FGGY: variants seen among roughly 807,000 people sequenced by gnomAD.
FGGY encodes FGGY carbohydrate kinase domain containing.
In FGGY, 72 loss-of-function variants were observed where a neutral mutation model predicts 71.3. That is an observed-to-expected ratio of 1.01 (90% CI 0.84 to 1.23). The LOEUF is 1.23. Ranked by LOEUF, FGGY falls within the 50% of genes most tolerant of loss-of-function variation. The probability of loss-of-function intolerance (pLI) is 0.00; values close to 1 mark genes in which losing one functional copy is unlikely to be tolerated. For missense variants in FGGY, 668 were observed against 682.3 expected, an observed-to-expected ratio of 0.98 and a Z score of 0.23; for synonymous variants, 251 against 250.3, an observed-to-expected ratio of 1.00 and a Z score of -0.02.
At chr1:59,585,223 G>C (rs1008315601) in intron 8 of FGGY, among the ~76,000 whole-genome samples, 11 of 152,158 alleles carry the variant, frequency 7.2e-5, no homozygotes, top group Non-Finnish European at 1.5e-4. Flanking sequence ...TCAATCCTAA[G>C]CCAAAAGAAC....
chr1:59,590,604 T>G (rs1236745232), intron 8 of FGGY, among the ~76,000 whole-genome samples: 1 of 152,194 alleles, frequency 6.6e-6, no homozygotes, highest in African/African-American at 2.4e-5. Flanking sequence ...TCAAGTGGGC[T>G]TCATCCCTGG....
intron 6 of FGGY, among the ~76,000 whole-genome samples, chr1:59,501,304 T>A (rs1570272074): frequency 6.6e-6 from 1 of 152,326 alleles, no homozygotes; most frequent in African/African-American, 2.4e-5. Context: ...GATACAATTT[T>A]GTGTCAAATA....
intron 14 of FGGY, among the ~76,000 whole-genome samples, chr1:59,738,358 TA>T (rs2098122297): frequency 6.6e-6 from 1 of 152,312 alleles, no homozygotes; most frequent in South Asian, 2.1e-4. Flanking sequence ...GGCCTTTGCC[TA>T]AAGTCATTAA....
At chr1:59,582,221 G>C (rs919963351) in intron 8 of FGGY, among the ~76,000 whole-genome samples, 1 of 149,830 alleles carries the variant, frequency 6.7e-6, no homozygotes, top group South Asian at 2.1e-4. Flanking sequence ...CTGCATTCCA[G>C]CCTGAGAACA....
chr1:59,536,458 T>A (rs963576627), intron 7 of FGGY, among the ~76,000 whole-genome samples: 1 of 152,074 alleles, frequency 6.6e-6, no homozygotes, highest in Non-Finnish European at 1.5e-5. Flanking sequence ...AAAAAGAAGG[T>A]ATCCTCCCTA....
At chr1:59,301,558 T>C (rs2042734672) in intron 1 of FGGY, among the ~76,000 whole-genome samples, 1 of 152,184 alleles carries the variant, frequency 6.6e-6, no homozygotes, top group Non-Finnish European at 1.5e-5. Flanking sequence ...TTATTAAGTA[T>C]GATGCATGAT....
intron 12 of FGGY, among the ~76,000 whole-genome samples, chr1:59,662,048 C>G (rs551906809): frequency 7.0e-6 from 1 of 143,026 alleles, no homozygotes; most frequent in Non-Finnish European, 1.5e-5. Flanking sequence ...AGGCCAGGCG[C>G]GGTGACTCAA....
chr1:59,665,963 G>A (rs866976001), intron 12 of FGGY, among the ~76,000 whole-genome samples: 2 of 152,128 alleles, frequency 1.3e-5, no homozygotes, highest in Admixed American at 6.5e-5. Flanking sequence ...GTGAGCCACC[G>A]CGCCCGGCCC....
chr1:59,636,970 G>T, intron 10 of FGGY, among the ~76,000 whole-genome samples: 1 of 152,182 alleles, frequency 6.6e-6, no homozygotes, highest in East Asian at 1.9e-4. Context: ...AAGGACCCCA[G>T]TGGGAAGTAG....
chr1:59,457,089 A>G lies in FGGY; in HGVS notation c.670+13A>G, dbSNP rs773467395. ...TACAGCAAAATAGGTAAAAGAATAA[A>G]ACATCTGTAGAGTGATTATGTGCAT... On this transcript the variant is annotated intron_variant, in intron 6 of 15. Transcript: ENST00000303721. The G allele has an allele frequency of 2.6e-6, 4 of 1,557,334 alleles. No homozygotes were observed. The highest frequency in any genetic ancestry group is 3.5e-6 in the Non-Finnish European group (4 of 1,128,594).
At chr1:59,664,761 C>T (rs902601418) in intron 12 of FGGY, among the ~76,000 whole-genome samples, 8 of 152,204 alleles carry the variant, frequency 5.3e-5, no homozygotes, top group Admixed American at 2.6e-4. Context: ...ATGCACCTTT[C>T]GTGAGCTGGA....
At chr1:59,505,315 C>G (rs756512655) in intron 6 of FGGY, among the ~76,000 whole-genome samples, 9 of 152,190 alleles carry the variant, frequency 5.9e-5, no homozygotes, top group Non-Finnish European at 1.2e-4. Context: ...TAGAACAGTG[C>G]TTGGCTCGTA....
chr1:59,588,170 G>C (rs2096349181), intron 8 of FGGY, among the ~76,000 whole-genome samples: 1 of 152,206 alleles, frequency 6.6e-6, no homozygotes. Context: ...GAGCCGATGT[G>C]ATCAACTGGA....
chr1:59,641,304 C>G, intron 11 of FGGY: 1 of 1,610,172 alleles, frequency 6.2e-7, no homozygotes, highest in Non-Finnish European at 8.5e-7. Flanking sequence ...TCTGTATATT[C>G]CGGCTTTGGC....
At chr1:59,610,406 A>T (rs1360578984) in intron 9 of FGGY, among the ~76,000 whole-genome samples, 1 of 152,138 alleles carries the variant, frequency 6.6e-6, no homozygotes, top group Admixed American at 6.5e-5. Flanking sequence ...CTGCAAAGAG[A>T]TCTCATGCCT....
intron 6 of FGGY, among the ~76,000 whole-genome samples, chr1:59,462,689 C>A (rs1236478292): frequency 8.5e-5 from 13 of 152,204 alleles, no homozygotes; most frequent in East Asian, 3.9e-4. Context: ...TTTATGCAGC[C>A]AAAACACACA....
At chr1:59,348,979 G>T (rs1570777474) in intron 4 of FGGY, among the ~76,000 whole-genome samples, 1 of 152,196 alleles carries the variant, frequency 6.6e-6, no homozygotes, top group Non-Finnish European at 1.5e-5. Flanking sequence ...TAACCAGTTT[G>T]AAAACCTGAC....
intron 6 of FGGY, among the ~76,000 whole-genome samples, chr1:59,501,813 T>C (rs2094233280): frequency 6.6e-6 from 1 of 152,168 alleles, no homozygotes; most frequent in Non-Finnish European, 1.5e-5. Flanking sequence ...TGCAGTTTGC[T>C]CTCATGACCC....
At chr1:59,472,321 G>A (rs551721289) in intron 6 of FGGY, among the ~76,000 whole-genome samples, 27 of 152,330 alleles carry the variant, frequency 1.8e-4, no homozygotes, top group Admixed American at 1.2e-3. Context: ...CTGCCTTCCC[G>A]CGGGGCAGGG....
Sources: allele counts gnomAD v4.1 joint callset (sites outside exome capture counted in the v4.1 genomes callset), GRCh38; gene constraint gnomAD v4.1.1; transcripts MANE v1.5; gene names NCBI Gene and HGNC (gene_info 2026-07-23, HGNC 2026-07-21).